Variants in AUTS2 observed in about 807,000 individuals in gnomAD.
AUTS2 encodes the protein activator of transcription and developmental regulator AUTS2.
AUTS2 carries 17 observed loss-of-function variants against 112.4 expected under a neutral mutation model. The observed-to-expected ratio is 0.15, with a 90% CI of 0.10 to 0.23. AUTS2 has a LOEUF of 0.23. Ranked by LOEUF, AUTS2 falls within the 10% of genes least tolerant of loss-of-function variation. AUTS2 has a pLI of 1.00. For synonymous variants in AUTS2, 751 were observed against 702.7 expected (o/e 1.07, Z -1.09); for missense variants, 1,510 against 1,701.6 (o/e 0.89, Z 1.98).
At position 70,631,994 on chromosome 7, in the gene AUTS2, C is replaced by T. The variant is rs1001351890; in HGVS notation, c.691-66575C>T. Among the ~76,000 whole-genome samples the T allele has an allele frequency of 1.9e-4, 29 of 151,804 alleles. No homozygotes were observed. The highest frequency in any genetic ancestry group is 3.9e-4 in the East Asian group (2 of 5,142). ...CGTCCTGGTGGGCAGCAGGTGTGAG[C>T]GCCTGCCATTGTCCCTAATGGTTAT... On this transcript the variant is annotated intron_variant, in intron 5 of 18. Transcript: ENST00000342771. The surrounding 1 kb of genome is among the most constrained non-coding windows in gnomAD (Gnocchi z 4.5).
At chr7:70,290,389 GGAGA>G in intron 4 of AUTS2, 1 of 1,516,568 alleles carries the variant, frequency 6.6e-7, no homozygotes, top group Non-Finnish European at 8.8e-7. Flanking sequence ...GATGTGCCTT[GGAGA>G]GGAAGCATGT....
chr7:69,967,053 G>A (rs1010118365), intron 2 of AUTS2, among the ~76,000 whole-genome samples: 14 of 152,132 alleles, frequency 9.2e-5, no homozygotes, highest in African/African-American at 3.4e-4. Context: ...GAGAACTTAA[G>A]ATGGATTCTT....
intron 2 of AUTS2, among the ~76,000 whole-genome samples, chr7:70,082,820 C>T (rs1803386927): frequency 6.6e-6 from 1 of 152,188 alleles, no homozygotes; most frequent in African/African-American, 2.4e-5. Flanking sequence ...TTGGTCTTCT[C>T]TACTAAAGCA....
At chr7:69,957,005 G>A (rs1184628658) in intron 2 of AUTS2, among the ~76,000 whole-genome samples, 1 of 151,746 alleles carries the variant, frequency 6.6e-6, no homozygotes, top group East Asian at 1.9e-4. Flanking sequence ...TGGAAATATA[G>A]GTGTGGATCA....
chr7:70,601,772 C>T (rs6978955), intron 5 of AUTS2, among the ~76,000 whole-genome samples: 154 of 152,162 alleles, frequency 1.0e-3, no homozygotes, highest in African/African-American at 3.7e-3. Context: ...CTCAGGAGCC[C>T]AAGATTTCTT....
intron 4 of AUTS2, among the ~76,000 whole-genome samples, chr7:70,148,086 T>C (rs1807229561): frequency 1.3e-5 from 2 of 152,094 alleles, no homozygotes; most frequent in South Asian, 4.1e-4. Context: ...TGTTTAATCA[T>C]ATCTGATTAA....
At chr7:70,568,659 G>A (rs1030352092) in intron 5 of AUTS2, among the ~76,000 whole-genome samples, 1 of 152,176 alleles carries the variant, frequency 6.6e-6, no homozygotes, top group African/African-American at 2.4e-5. Flanking sequence ...GGGGTTTGAG[G>A]TCTCTCGTTC....
At chr7:70,700,835 C>A (rs1809416771) in intron 6 of AUTS2, among the ~76,000 whole-genome samples, 1 of 152,186 alleles carries the variant, frequency 6.6e-6, no homozygotes, top group Non-Finnish European at 1.5e-5. Flanking sequence ...CTTCAAGGAA[C>A]TGTCAGCTTC....
intron 4 of AUTS2, among the ~76,000 whole-genome samples, chr7:70,147,316 T>C (rs935175199): frequency 3.3e-5 from 5 of 152,106 alleles, no homozygotes; most frequent in East Asian, 1.9e-4. Flanking sequence ...GCAGATGTTA[T>C]AACTTTTTCA....
At chr7:70,335,420 T>C (rs1334573323) in intron 4 of AUTS2, among the ~76,000 whole-genome samples, 3 of 152,152 alleles carry the variant, frequency 2.0e-5, no homozygotes, top group Non-Finnish European at 4.4e-5. Flanking sequence ...CTCCCCGAAG[T>C]AGTGGGCCCT....
intron 4 of AUTS2, among the ~76,000 whole-genome samples, chr7:70,384,643 T>A (rs535674988): frequency 2.0e-5 from 3 of 152,324 alleles, no homozygotes; most frequent in African/African-American, 7.2e-5. Flanking sequence ...GGCTTTCCTT[T>A]GTGCCTTGTT....
At chr7:70,211,240 C>G (rs1157805788) in intron 4 of AUTS2, among the ~76,000 whole-genome samples, 1 of 152,032 alleles carries the variant, frequency 6.6e-6, no homozygotes, top group East Asian at 1.9e-4. Flanking sequence ...ACAGACATAT[C>G]AAAAGTGTAT....
chr7:70,366,783 A>C (rs976022267), intron 4 of AUTS2, among the ~76,000 whole-genome samples: 2 of 152,156 alleles, frequency 1.3e-5, no homozygotes. Context: ...AAAAGAGGAG[A>C]GGAGGTAAGG....
chr7:70,729,076 G>T (rs905387094), intron 6 of AUTS2: 11 of 445,032 alleles, frequency 2.5e-5, no homozygotes, highest in South Asian at 6.5e-5. Flanking sequence ...AGCTAGAGCT[G>T]CTCTGCTCTT....
At position 70,790,003 on chromosome 7, in the gene AUTS2, G is replaced by C; in HGVS notation, c.2787G>C (p.Ala929=). 1 of 1,598,250 alleles carries C rather than the reference G, an allele frequency of 6.3e-7. No individual in the cohort carries two copies. The highest frequency in any genetic ancestry group is 8.5e-7 in the Non-Finnish European group (1 of 1,172,888). ...KDGHGHEGRA[A]GEEAKQLARV... ...GGCACGGCCACGAGGGGCGCGCCGC[G>C]GGCGAAGAGGCCAAGCAGCTGGCCC... The change falls in exon 19 of 19, where the codon GCG becomes GCC. Residue 929 remains alanine (A), a synonymous_variant. Coordinates refer to ENST00000342771, the MANE Select transcript of AUTS2 (RefSeq NM_015570.4). The surrounding 1 kb of genome is among the most constrained non-coding windows in gnomAD (Gnocchi z 7.6).
chr7:70,298,738 CA>C (rs1789062940), intron 4 of AUTS2, among the ~76,000 whole-genome samples: 1 of 152,208 alleles, frequency 6.6e-6, no homozygotes, highest in African/African-American at 2.4e-5. Context: ...CCCAAATTAA[CA>C]CATGCTGTTA....
intron 6 of AUTS2, among the ~76,000 whole-genome samples, chr7:70,700,858 T>G (rs1429503987): frequency 6.6e-6 from 1 of 152,170 alleles, no homozygotes; most frequent in African/African-American, 2.4e-5. Flanking sequence ...GCACATCAAG[T>G]TCAAGTTTTC....
At chr7:70,667,858 T>C (rs940159966) in intron 5 of AUTS2, among the ~76,000 whole-genome samples, 25 of 152,246 alleles carry the variant, frequency 1.6e-4, no homozygotes, top group African/African-American at 6.0e-4. Flanking sequence ...TGTGCCACCA[T>C]TGCGGTCTTT....
At chr7:70,588,563 TG>T (rs1802788356) in intron 5 of AUTS2, among the ~76,000 whole-genome samples, 1 of 152,140 alleles carries the variant, frequency 6.6e-6, no homozygotes. Flanking sequence ...TGAAAACAGA[TG>T]AGCTGGTGGA....
Sources: gnomAD v4.1 joint callset for allele counts (sites outside exome capture counted in the v4.1 genomes callset) on GRCh38, gnomAD v4.1.1 for gene constraint, Gnocchi (gnomAD v3.1) non-coding constraint, MANE v1.5 for transcripts, NCBI Gene and HGNC (gene_info 2026-07-23, HGNC 2026-07-21) for gene names.